Variants in UNC13C observed in about 807,000 individuals in gnomAD.
UNC13C encodes the protein protein unc-13 homolog C.
Under a neutral mutation model 245.4 loss-of-function variants are expected in UNC13C, and 174 were observed. That is an observed-to-expected ratio of 0.71 (90% CI 0.63 to 0.80). The LOEUF (loss-of-function observed/expected upper bound fraction) is 0.80. Ranked by LOEUF, UNC13C falls within the 30% of genes least tolerant of loss-of-function variation. UNC13C has a pLI of 0.00. For synonymous variants in UNC13C, 992 were observed against 895.1 expected (o/e 1.11, Z -1.93); for missense variants, 2,829 against 2,602.9 (o/e 1.09, Z -1.89).
the UNC13C span, among the ~76,000 whole-genome samples, chr15:53,891,651 A>T: frequency 4.5e-4 from 68 of 152,056 alleles, 1 homozygote; most frequent in Admixed American, 4.2e-3. Context: ...GTTGCTTTAA[A>T]GTCTGTTTTT....
chr15:54,085,634 G>A (rs1001709448), intron 2 of UNC13C, among the ~76,000 whole-genome samples: 1 of 151,938 alleles, frequency 6.6e-6, no homozygotes, highest in East Asian at 1.9e-4. Context: ...TATTTATAGA[G>A]ATAGGGTCTC....
chr15:54,235,005 T>G, intron 4 of UNC13C, 25 bp from the exon 5 acceptor site: 1 of 1,605,578 alleles, frequency 6.2e-7, no homozygotes, highest in Non-Finnish European at 8.5e-7. Context: ...CCCATTGCAA[T>G]TATTGGTTTT....
intron 19 of UNC13C, among the ~76,000 whole-genome samples, chr15:54,440,602 G>C (rs955241866): frequency 6.6e-6 from 1 of 151,864 alleles, no homozygotes; most frequent in Non-Finnish European, 1.5e-5. Context: ...ATTGTGATTA[G>C]TACTGGAAAA....
the UNC13C span, among the ~76,000 whole-genome samples, chr15:53,959,563 C>T: frequency 6.6e-6 from 1 of 152,116 alleles, no homozygotes; most frequent in Non-Finnish European, 1.5e-5. Context: ...ATTTTTCACC[C>T]ATACCTAGTA....
At chr15:53,869,408 C>G in the UNC13C span, among the ~76,000 whole-genome samples, 5 of 125,250 alleles carry the variant, frequency 4.0e-5, no homozygotes, top group African/African-American at 5.8e-5. Flanking sequence ...TAATATTTTA[C>G]TCCACGATGT....
intron 1 of UNC13C, among the ~76,000 whole-genome samples, chr15:54,002,429 G>A (rs562460927): frequency 6.6e-6 from 1 of 152,114 alleles, no homozygotes; most frequent in South Asian, 2.1e-4. Context: ...TTACCTTGCG[G>A]GGTTGTTTTC....
At chr15:54,458,689 T>TA (rs1014027494) in intron 19 of UNC13C, among the ~76,000 whole-genome samples, 1 of 145,446 alleles carries the variant, frequency 6.9e-6, no homozygotes, top group African/African-American at 2.5e-5. Flanking sequence ...TCTTTTTTTT[T>TA]TTTTTTTTTT....
intron 26 of UNC13C, among the ~76,000 whole-genome samples, chr15:54,542,498 G>A (rs531629600): frequency 1.3e-5 from 2 of 152,282 alleles, no homozygotes; most frequent in East Asian, 3.9e-4. Flanking sequence ...GGAGAGTTCT[G>A]TAGAAGTCTA....
chr15:54,091,612 A>G (rs1899577221), intron 2 of UNC13C, among the ~76,000 whole-genome samples: 1 of 151,974 alleles, frequency 6.6e-6, no homozygotes, highest in Non-Finnish European at 1.5e-5. Context: ...TAGATTTTAT[A>G]TTTTTATTCC....
intron 8 of UNC13C, among the ~76,000 whole-genome samples, chr15:54,256,199 G>A (rs1022935123): frequency 3.3e-5 from 5 of 152,132 alleles, no homozygotes; most frequent in African/African-American, 7.2e-5. Context: ...GAACACACCC[G>A]TAGTTTTAAA....
chr15:53,991,558 T>C (rs536016766), intron 1 of UNC13C, among the ~76,000 whole-genome samples: 1 of 152,126 alleles, frequency 6.6e-6, no homozygotes, highest in Admixed American at 6.6e-5. Context: ...TTGGTGAATC[T>C]TACTGGGAAG....
intron 17 of UNC13C, among the ~76,000 whole-genome samples, chr15:54,345,933 G>T (rs537037043): frequency 6.6e-6 from 1 of 152,058 alleles, no homozygotes; most frequent in African/African-American, 2.4e-5. Flanking sequence ...TGCCTGGAGC[G>T]GGCATCCCTT....
the UNC13C span, among the ~76,000 whole-genome samples, chr15:53,841,838 C>G: frequency 6.6e-6 from 1 of 152,174 alleles, no homozygotes. Flanking sequence ...TTTGCCTCTT[C>G]TGTCTTCAGT....
intron 30 of UNC13C, 101 bp from the exon 31 acceptor site, chr15:54,622,226 C>A: frequency 1.2e-6 from 1 of 810,428 alleles, no homozygotes; most frequent in South Asian, 1.4e-5. Context: ...AAGAACTATT[C>A]ATTTCCAATA....
intron 4 of UNC13C, among the ~76,000 whole-genome samples, chr15:54,217,677 T>C (rs1177699651): frequency 6.6e-6 from 1 of 151,970 alleles, no homozygotes; most frequent in Non-Finnish European, 1.5e-5. Context: ...TCTCCATCAG[T>C]GCTCCCAAAG....
intron 19 of UNC13C, among the ~76,000 whole-genome samples, chr15:54,483,149 T>G (rs925899234): frequency 2.2e-4 from 34 of 152,216 alleles, no homozygotes; most frequent in African/African-American, 8.0e-4. Flanking sequence ...TGGCTTTGTT[T>G]TCTTATTTCA....
At chr15:53,991,421 G>A (rs534012885) in intron 1 of UNC13C, among the ~76,000 whole-genome samples, 1 of 151,950 alleles carries the variant, frequency 6.6e-6, no homozygotes, top group South Asian at 2.1e-4. Flanking sequence ...AGCAGAAAAA[G>A]TCCAATGTGA....
At chr15:54,280,024 A>G (rs1209255988) in intron 10 of UNC13C, among the ~76,000 whole-genome samples, 1 of 152,190 alleles carries the variant, frequency 6.6e-6, no homozygotes, top group East Asian at 1.9e-4. Flanking sequence ...GTTTCTGGAT[A>G]ACATTTTAGT....
intron 2 of UNC13C, among the ~76,000 whole-genome samples, chr15:54,061,719 C>T (rs967302695): frequency 1.3e-5 from 2 of 152,140 alleles, no homozygotes; most frequent in African/African-American, 2.4e-5. Flanking sequence ...TTCTATAAAA[C>T]CTTTTCGTGA....
Sources: gnomAD v4.1 joint callset for allele counts (sites outside exome capture counted in the v4.1 genomes callset) on GRCh38, gnomAD v4.1.1 for gene constraint, MANE v1.5 for transcripts, NCBI Gene and HGNC (gene_info 2026-07-23, HGNC 2026-07-21) for gene names.